CRHBP: variants seen among roughly 807,000 people sequenced by gnomAD.
CRHBP encodes the protein corticotropin releasing hormone binding protein.
In CRHBP, 19 loss-of-function variants were observed where a neutral mutation model predicts 34.9. The ratio of observed to expected loss-of-function variants is 0.55; its 90% CI spans 0.38 to 0.80. CRHBP has a LOEUF of 0.80. Ranked by LOEUF, CRHBP falls within the 30% of genes least tolerant of loss-of-function variation. The pLI, the probability that CRHBP is intolerant of heterozygous loss-of-function variation, is 0.00. For synonymous variants in CRHBP, 154 were observed against 153.4 expected, an observed-to-expected ratio of 1.00 and a Z score of -0.03; for missense variants, 328 against 409.2, an observed-to-expected ratio of 0.80 and a Z score of 1.71.
rs1429097518 is a variant in CRHBP at position 76,954,060 on chromosome 5, G to C, written c.207G>C (p.Gln69His). ...RCLDMLSLQG[Q>H]FTFTADRPQL... ...TGGACATGCTGAGCCTCCAGGGCCAGTTCACCTTCACCGCCGACCGGCCGC... is the reference window on the plus strand; with the variant it reads ...TGGACATGCTGAGCCTCCAGGGCCACTTCACCTTCACCGCCGACCGGCCGC... The change falls in exon 3 of 7, where the codon CAG becomes CAC. Residue 69 changes from glutamine to histidine, a missense_variant. Physicochemically the swap from Gln to His is conservative, Grantham distance 24. Around this residue, in one of 3 missense-constraint regions of CRHBP, gnomAD observed 173 missense variants for 172.2 expected, o/e 1.00. Transcript: ENST00000274368. 6.2e-7 allele frequency: 1 copy of C among 1,613,928 alleles called. No homozygotes were observed. The highest frequency in any genetic ancestry group is 8.5e-7 in the Non-Finnish European group (1 of 1,179,930).
At chr5:76,960,397 G>C (rs1745757500) in intron 5 of CRHBP, among the ~76,000 whole-genome samples, 1 of 152,112 alleles carries the variant, frequency 6.6e-6, no homozygotes. Flanking sequence ...AGATGGGCAG[G>C]GCCAGAGTGT....
intron 6 of CRHBP, among the ~76,000 whole-genome samples, chr5:76,964,650 C>T (rs1561266974): frequency 1.3e-5 from 2 of 152,070 alleles, no homozygotes; most frequent in South Asian, 2.1e-4. Flanking sequence ...GTCAGGAGTT[C>T]GAGACCAGCG....
At position 76,953,445 on chromosome 5, in the gene CRHBP, G is replaced by A. The variant is rs564880462; in HGVS notation, c.82-156G>A. ...TGGGGATACCCTGGCCTGATGGAGA[G>A]GGTCTAAGACCTTCCCGTCTTCTCC... On this transcript the variant is annotated intron_variant, in intron 1 of 6. Transcript: ENST00000274368. 4 of 914,536 alleles carry A rather than the reference G, an allele frequency of 4.4e-6. No homozygotes were observed. In the South Asian group the frequency reaches 5.8e-5, roughly 13 times the overall value. The allele number at this position is 914,536 out of a possible 1,614,324, so 56.7% of individuals were successfully genotyped here.
At position 76,955,825 on chromosome 5, in the gene CRHBP, G is replaced by A; in HGVS notation, c.506G>A (p.Gly169Glu). Residue 169 changes from glycine to glutamate, a missense_variant, in exon 4 of 7, where the codon GGA becomes GAA. Transcript: ENST00000274368. ...IFFRVHEPGN[G>E]FTLTIKTDPN... ...TTCCGAGTCCATGAACCAGGAAATG[G>A]ATTCACATTAACCATAAAGACAGAC... The A allele has an allele frequency of 6.2e-7, 1 of 1,614,158 alleles. No individual in the cohort carries two copies. The highest frequency in any genetic ancestry group is 1.3e-5 in the African/African-American group (1 of 75,034).
At chr5:76,957,635 C>T (rs375310558) in intron 4 of CRHBP, among the ~76,000 whole-genome samples, 107 of 152,212 alleles carry the variant, frequency 7.0e-4, no homozygotes, top group Non-Finnish European at 3.2e-4. Context: ...CCACCCGCCT[C>T]GGCCTCCCAA....
chr5:76,955,545 T>C, intron 3 of CRHBP, 108 bp from the exon 4 acceptor site: 1 of 915,796 alleles, frequency 1.1e-6, no homozygotes. Context: ...CGATTCTCAC[T>C]TATGACTGAA....
At chr5:76,958,672 A>C in intron 4 of CRHBP, 69 bp from the exon 5 acceptor site, 6 of 1,529,170 alleles carry the variant, frequency 3.9e-6, no homozygotes, top group Non-Finnish European at 5.3e-6. Flanking sequence ...AATAAGATAC[A>C]ATAAATGTCT....
chr5:76,970,051 G>A (rs576599294), downstream of CRHBP, among the ~76,000 whole-genome samples: 57 of 139,932 alleles, frequency 4.1e-4, no homozygotes, highest in African/African-American at 1.5e-3. Context: ...GGGTTCAAGC[G>A]ATTCTCCTGC....
downstream of CRHBP, among the ~76,000 whole-genome samples, chr5:76,972,596 T>C (rs1745962985): frequency 6.6e-6 from 1 of 152,170 alleles, no homozygotes; most frequent in Admixed American, 6.5e-5. Flanking sequence ...CTTCCCAAAA[T>C]GTTAGGATTA....
intron 6 of CRHBP, among the ~76,000 whole-genome samples, chr5:76,967,577 A>G (rs55797116): frequency 0.19 from 28,408 of 152,132 alleles, 2,914 homozygotes; most frequent in East Asian, 0.38. Context: ...ATCAGCTTGG[A>G]TAAACAAATA....
At chr5:76,961,999 C>T (rs1233988451) in intron 5 of CRHBP, among the ~76,000 whole-genome samples, 4 of 152,328 alleles carry the variant, frequency 2.6e-5, no homozygotes, top group Non-Finnish European at 5.9e-5. Flanking sequence ...AATGATCCAC[C>T]TGCCTTGGCC....
chr5:76,953,734 G>A (rs774437040), intron 2 of CRHBP, 40 bp downstream of exon 2: 1 of 1,554,660 alleles, frequency 6.4e-7, no homozygotes, highest in Admixed American at 1.9e-5. Context: ...CCCGGGACGC[G>A]GGGAAGGTGG....
chr5:76,978,051 T>C (rs1746066620), intron 3 of CRHBP, among the ~76,000 whole-genome samples: 1 of 152,096 alleles, frequency 6.6e-6, no homozygotes, highest in South Asian at 2.1e-4. Flanking sequence ...TCTCATTCTA[T>C]GAAGGCTGAG....
chr5:76,979,419 C>T lies in CRHBP; in HGVS notation n.468-1542C>T, dbSNP rs140661073. On this transcript the variant is annotated intron_variant and non_coding_transcript_variant, in intron 3 of 3. Coordinates refer to the CRHBP transcript ENST00000514258. ...AGGCTGGAGTGCAGTGGTGTGTTCTCGGCTCATTGCAACCTCCGCCTCCTG... is the reference window on the plus strand; with the variant it reads ...AGGCTGGAGTGCAGTGGTGTGTTCTTGGCTCATTGCAACCTCCGCCTCCTG... 4.5e-3 allele frequency among the ~76,000 whole-genome samples: 680 copies of T among 152,204 alleles called. 6 individuals carry two copies. Among genetic ancestry groups the T allele is most frequent in the African/African-American group, 0.016 (650 of 41,526 alleles).
chr5:76,975,434 C>T (rs1048172618), intron 2 of CRHBP, among the ~76,000 whole-genome samples: 11 of 152,044 alleles, frequency 7.2e-5, no homozygotes, highest in Non-Finnish European at 1.2e-4. Context: ...CATATATTAT[C>T]GCTAATCATT....
chr5:76,964,903 A>G (rs1745837594), intron 6 of CRHBP, among the ~76,000 whole-genome samples: 1 of 151,754 alleles, frequency 6.6e-6, no homozygotes, highest in Admixed American at 6.6e-5. Context: ...GTAATTCCTG[A>G]ACTTTGGGAG....
chr5:76,966,720 C>A lies in CRHBP; in HGVS notation c.812-2008C>A, dbSNP rs149783174. Among the ~76,000 whole-genome samples the A allele has an allele frequency of 1.9e-3, 288 of 152,228 alleles. 1 individual carries two copies. Among genetic ancestry groups the A allele is most frequent in the African/African-American group, 6.6e-3 (276 of 41,544 alleles). Reference sequence around the variant, plus strand: ...TGAATTGACCTTAAGTTCCCTGCCTCCAGACCCTATTCTCCTGCCTTAATT... The same window carrying A: ...TGAATTGACCTTAAGTTCCCTGCCTACAGACCCTATTCTCCTGCCTTAATT... On this transcript the variant is annotated intron_variant, in intron 6 of 6. Transcript: ENST00000274368.
chr5:76,955,582 C>A (rs903229309), intron 3 of CRHBP, 71 bp from the exon 4 acceptor site: 53 of 1,424,182 alleles, frequency 3.7e-5, no homozygotes, highest in Non-Finnish European at 4.5e-5. Context: ...ACTTTCCCCC[C>A]CTTTTCAACT....
intron 4 of CRHBP, 64 bp downstream of exon 4, chr5:76,955,927 T>C: frequency 1.4e-6 from 2 of 1,408,040 alleles, no homozygotes; most frequent in African/African-American, 1.4e-5. Context: ...AGTAGTATCA[T>C]TGCACAGACT....
Sources: allele counts gnomAD v4.1 joint callset (sites outside exome capture counted in the v4.1 genomes callset), GRCh38; gene constraint gnomAD v4.1.1; regional missense constraint gnomAD v4.1.1; transcripts MANE v1.5; gene names NCBI Gene and HGNC (gene_info 2026-07-23, HGNC 2026-07-21).